DCLK2: variants seen among roughly 807,000 people sequenced by gnomAD.
The protein encoded by DCLK2 is serine/threonine-protein kinase DCLK2.
In DCLK2, 31 loss-of-function variants were observed where a neutral mutation model predicts 78.4. The ratio of observed to expected loss-of-function variants is 0.40; its 90% CI spans 0.30 to 0.53. The LOEUF (loss-of-function observed/expected upper bound fraction) is 0.53, where lower values mean the gene tolerates loss of function less well. Ranked by LOEUF, DCLK2 falls within the 20% of genes least tolerant of loss-of-function variation. The probability of loss-of-function intolerance (pLI) is 0.61; values close to 1 mark genes in which losing one functional copy is unlikely to be tolerated. For missense variants in DCLK2, 872 were observed against 973.7 expected (o/e 0.90, Z 1.39); for synonymous variants, 407 against 374.9 (o/e 1.09, Z -0.99).
At chr4:150,165,673 G>GCC (rs1273220202) in intron 2 of DCLK2, among the ~76,000 whole-genome samples, 1 of 152,238 alleles carries the variant, frequency 6.6e-6, no homozygotes, top group African/African-American at 2.4e-5. Context: ...TGAGTCCTCT[G>GCC]CTTAGAACTG....
At chr4:150,080,665 A>G (rs1015016122) in intron 1 of DCLK2, among the ~76,000 whole-genome samples, 1 of 152,228 alleles carries the variant, frequency 6.6e-6, no homozygotes, top group Non-Finnish European at 1.5e-5. Context: ...ATAGATGAGG[A>G]AACTTAGGCA....
intron 2 of DCLK2, among the ~76,000 whole-genome samples, chr4:150,162,040 A>G (rs1272678280): frequency 6.6e-6 from 1 of 151,866 alleles, no homozygotes; most frequent in Non-Finnish European, 1.5e-5. Flanking sequence ...TGATTTATTT[A>G]CTTATTTTGA....
intron 4 of DCLK2, 74 bp downstream of exon 4, chr4:150,198,177 G>A: frequency 7.4e-7 from 1 of 1,348,916 alleles, no homozygotes; most frequent in Non-Finnish European, 1.0e-6. Context: ...TAATTTTTAT[G>A]AATTAGTAGT....
At chr4:150,153,774 C>A (rs1580608258) in intron 2 of DCLK2, among the ~76,000 whole-genome samples, 1 of 152,118 alleles carries the variant, frequency 6.6e-6, no homozygotes, top group African/African-American at 2.4e-5. Flanking sequence ...AAAACAAGCA[C>A]AAACTGGTGT....
chr4:150,240,517 T>G (rs200524048), intron 12 of DCLK2, 41 bp downstream of exon 12: 5 of 1,588,694 alleles, frequency 3.1e-6, no homozygotes, highest in East Asian at 2.3e-5. Context: ...TTGCAAATGT[T>G]CTCCCTTGGG....
chr4:150,151,902 G>A lies in DCLK2; in HGVS notation c.757-41236G>A, dbSNP rs146076734. Among the ~76,000 whole-genome samples the A allele has an allele frequency of 8.6e-3, 1,300 of 150,774 alleles. 9 individuals are homozygous for A. The highest frequency in any genetic ancestry group is 0.015 in the Non-Finnish European group (1,005 of 67,850). Reference sequence around the variant, plus strand: ...ATTGCACCACTGCACTCCAGTCTGGGCAACAAAGTGAGGCTCTGTCTCAAA... The same window carrying A: ...ATTGCACCACTGCACTCCAGTCTGGACAACAAAGTGAGGCTCTGTCTCAAA... On this transcript the variant is annotated intron_variant, in intron 2 of 15. Coordinates refer to ENST00000296550, the MANE Select transcript of DCLK2 (RefSeq NM_001040260.4).
In DCLK2 at chr4:150,107,620, C is replaced by G. The variant is rs1438033727; in HGVS notation, c.756+4808C>G. 3.3e-5 allele frequency among the ~76,000 whole-genome samples: 5 copies of G among 152,092 alleles called. No homozygotes were observed. The South Asian group carries it at 6.2e-4, about 19-fold the overall frequency. ...TGAACTCCTGGGCTCAAGCGATCCA[C>G]TTACCTTGGCCTCTGAAAGTACTGG... On this transcript the variant is annotated intron_variant, in intron 2 of 15. Transcript: ENST00000296550.
intron 2 of DCLK2, among the ~76,000 whole-genome samples, chr4:150,123,065 A>G (rs986822433): frequency 6.6e-6 from 1 of 152,312 alleles, no homozygotes; most frequent in Admixed American, 6.5e-5. Context: ...TTCCAACCAA[A>G]CATTCTCCAC....
chr4:150,100,534 TA>T (rs1023231720), intron 1 of DCLK2, among the ~76,000 whole-genome samples: 1 of 152,046 alleles, frequency 6.6e-6, no homozygotes, highest in Non-Finnish European at 1.5e-5. Context: ...CTGCCCTTTT[TA>T]AAAAAAATTA....
At chr4:150,089,378 CTGAGGAAACTTT>C (rs1729885259) in intron 1 of DCLK2, among the ~76,000 whole-genome samples, 2 of 152,316 alleles carry the variant, frequency 1.3e-5, no homozygotes, top group East Asian at 3.9e-4. Flanking sequence ...TCTTCAGAAG[CTGAGGAAACTTT>C]TGAGGAAAGT....
Position 150,210,970 on chromosome 4 carries a change from A to C in DCLK2, c.1056+7081A>C, listed in dbSNP as rs540395184. Among the ~76,000 whole-genome samples, 3 of 151,786 alleles carry C rather than the reference A, an allele frequency of 2.0e-5. No individual in the cohort carries two copies. The South Asian group carries it at 6.2e-4, about 32-fold the overall frequency. On this transcript the variant is annotated intron_variant, in intron 5 of 15. Transcript: ENST00000296550. ...TCTCAAAAAAAAAAAAAAAGAAAGAAAGAAAAAGGTTATCCCAAAATTTAG... is the reference window on the plus strand; with the variant it reads ...TCTCAAAAAAAAAAAAAAAGAAAGACAGAAAAAGGTTATCCCAAAATTTAG...
At chr4:150,185,693 G>A (rs901990496) in intron 2 of DCLK2, among the ~76,000 whole-genome samples, 14 of 141,340 alleles carry the variant, frequency 9.9e-5, no homozygotes, top group African/African-American at 3.3e-4. Context: ...CAGCCTGGGC[G>A]ACAGAGTGAG....
chr4:150,079,596 G>C (rs529052697), intron 1 of DCLK2, 148 bp downstream of exon 1: 4 of 771,830 alleles, frequency 5.2e-6, no homozygotes, highest in Non-Finnish European at 7.8e-6. Context: ...ATTGGCTGGG[G>C]GTGGGGGCCG....
chr4:150,115,930 T>G (rs753396119), intron 2 of DCLK2, among the ~76,000 whole-genome samples: 1 of 152,098 alleles, frequency 6.6e-6, no homozygotes, highest in African/African-American at 2.4e-5. Context: ...TTGATGGAGG[T>G]AGCCAGGGGA....
intron 12 of DCLK2, among the ~76,000 whole-genome samples, chr4:150,242,997 C>T (rs1168266329): frequency 6.6e-6 from 1 of 152,180 alleles, no homozygotes; most frequent in Non-Finnish European, 1.5e-5. Flanking sequence ...CTGGCTAACC[C>T]AAGCTGGGAT....
intron 2 of DCLK2, among the ~76,000 whole-genome samples, chr4:150,114,613 T>A (rs1000924060): frequency 1.3e-5 from 2 of 152,210 alleles, no homozygotes; most frequent in African/African-American, 4.8e-5. Flanking sequence ...AGCATTTGCT[T>A]CTCTGAAAAA....
chr4:150,221,317 G>GT (rs764898623), intron 6 of DCLK2, among the ~76,000 whole-genome samples: 4,303 of 135,138 alleles, frequency 0.032, 129 homozygotes, highest in African/African-American at 0.086. Context: ...TCCTTTCTTT[G>GT]TTTTTTTTTT....
At chr4:150,206,401 A>T (rs896456319) in intron 5 of DCLK2, among the ~76,000 whole-genome samples, 11 of 151,954 alleles carry the variant, frequency 7.2e-5, no homozygotes, top group African/African-American at 2.7e-4. Flanking sequence ...TTTGTTGATT[A>T]AGGGAAATGT....
At chr4:150,137,517 A>G (rs1326262744) in intron 2 of DCLK2, among the ~76,000 whole-genome samples, 11 of 152,210 alleles carry the variant, frequency 7.2e-5, no homozygotes, top group Non-Finnish European at 1.6e-4. Flanking sequence ...TGAATAGTGC[A>G]ATCTCTCATA....
Sources: allele counts gnomAD v4.1 joint callset (sites outside exome capture counted in the v4.1 genomes callset), GRCh38; gene constraint gnomAD v4.1.1; transcripts MANE v1.5; gene names NCBI Gene and HGNC (gene_info 2026-07-23, HGNC 2026-07-21).